The following PTPRE variants were observed in gnomAD, a reference collection of about 807,000 sequenced individuals.
PTPRE encodes the protein protein tyrosine phosphatase receptor type E, also known as receptor-type tyrosine-protein phosphatase epsilon.
A neutral mutation model predicts 102.0 loss-of-function variants in PTPRE; 51 were observed. The ratio of observed to expected loss-of-function variants is 0.50; its 90% CI spans 0.40 to 0.63. The LOEUF (loss-of-function observed/expected upper bound fraction) is 0.63, where lower values mean the gene tolerates loss of function less well. Ranked by LOEUF, PTPRE falls within the 30% of genes least tolerant of loss-of-function variation. The pLI, the probability that PTPRE is intolerant of heterozygous loss-of-function variation, is 0.00. For synonymous variants in PTPRE, 345 were observed against 348.2 expected (o/e 0.99, Z 0.10); for missense variants, 752 against 915.1 (o/e 0.82, Z 2.30).
chr10:128,013,485 G>T (rs1042084210), intron 2 of PTPRE, among the ~76,000 whole-genome samples: 7 of 152,190 alleles, frequency 4.6e-5, no homozygotes, highest in African/African-American at 1.7e-4. Flanking sequence ...CACCTGCTGA[G>T]AAAAGCAATC....
At chr10:128,079,405 T>A (rs1851509277) in intron 19 of PTPRE, among the ~76,000 whole-genome samples, 155 bp from the exon 20 acceptor site, 1 of 152,210 alleles carries the variant, frequency 6.6e-6, no homozygotes, top group Non-Finnish European at 1.5e-5. Flanking sequence ...GAAGTTACAC[T>A]ACATACAAAT....
chr10:127,952,919 T>C (rs1356365525), intron 1 of PTPRE, among the ~76,000 whole-genome samples: 1 of 152,164 alleles, frequency 6.6e-6, no homozygotes, highest in African/African-American at 2.4e-5. Context: ...GGGAAATAAA[T>C]TGAGCAAAAT....
intron 2 of PTPRE, chr10:127,999,039 C>T (rs1210130552): frequency 1.3e-5 from 2 of 151,986 alleles, no homozygotes; most frequent in Non-Finnish European, 2.9e-5. Context: ...CAGCATCGTG[C>T]CTGAAATAGC....
At chr10:127,989,027 T>G (rs1470809941) in intron 2 of PTPRE, among the ~76,000 whole-genome samples, 2 of 152,220 alleles carry the variant, frequency 1.3e-5, no homozygotes, top group Non-Finnish European at 2.9e-5. Flanking sequence ...TATTTTATGA[T>G]GAGGGCTGTT....
At chr10:127,987,504 G>T in intron 2 of PTPRE, 1 of 443,524 alleles carries the variant, frequency 2.3e-6, no homozygotes, top group Non-Finnish European at 3.6e-6. Context: ...ATATTACCAG[G>T]AAGGCGTCGT....
intron 3 of PTPRE, among the ~76,000 whole-genome samples, chr10:128,044,667 T>G (rs1241570855): frequency 1.3e-5 from 2 of 152,176 alleles, no homozygotes; most frequent in African/African-American, 4.8e-5. Context: ...GAAGGCTGCT[T>G]CAGGATGACC....
intron 1 of PTPRE, among the ~76,000 whole-genome samples, chr10:127,960,072 G>A (rs891478012): frequency 4.6e-5 from 7 of 152,160 alleles, no homozygotes; most frequent in African/African-American, 1.7e-4. Context: ...TAAAAGACCT[G>A]GGAAAACAAG....
At chr10:128,016,219 C>A (rs1384825431) in intron 2 of PTPRE, among the ~76,000 whole-genome samples, 1 of 152,220 alleles carries the variant, frequency 6.6e-6, no homozygotes, top group Non-Finnish European at 1.5e-5. Context: ...ATGCACTTAA[C>A]TCTATGTAAT....
At chr10:128,000,512 C>T (rs936588791) in intron 2 of PTPRE, among the ~76,000 whole-genome samples, 4 of 152,048 alleles carry the variant, frequency 2.6e-5, no homozygotes, top group Non-Finnish European at 5.9e-5. Flanking sequence ...AGTTTAAGAC[C>T]ATATCCTAGT....
At chr10:128,044,124 A>G (rs1847917047) in intron 3 of PTPRE, among the ~76,000 whole-genome samples, 1 of 152,238 alleles carries the variant, frequency 6.6e-6, no homozygotes, top group Non-Finnish European at 1.5e-5. Flanking sequence ...GTCAGGAAAG[A>G]TACGCTTTGA....
chr10:128,000,709 T>C (rs1168443313), intron 2 of PTPRE, among the ~76,000 whole-genome samples: 1 of 152,246 alleles, frequency 6.6e-6, no homozygotes, highest in Non-Finnish European at 1.5e-5. Context: ...TATGTGGTAC[T>C]TCGTTTAAAT....
chr10:127,992,005 G>GCCCA (rs1852714207), intron 2 of PTPRE, among the ~76,000 whole-genome samples: 1 of 152,152 alleles, frequency 6.6e-6, no homozygotes, highest in African/African-American at 2.4e-5. Context: ...TGACCAGTGA[G>GCCCA]CCCACCGGGT....
intron 2 of PTPRE, among the ~76,000 whole-genome samples, chr10:127,994,896 C>T (rs929663296): frequency 9.2e-5 from 14 of 152,176 alleles, no homozygotes; most frequent in Non-Finnish European, 2.1e-4. Context: ...AGCCCCCATC[C>T]CTAGGATTCC....
intron 11 of PTPRE, 92 bp from the exon 12 acceptor site, chr10:128,068,031 G>C (rs953827815): frequency 6.9e-7 from 1 of 1,442,528 alleles, no homozygotes; most frequent in African/African-American, 1.4e-5. Flanking sequence ...CCCCAGCACA[G>C]GGGAGCCCAC....
chr10:128,061,721 C>T lies in PTPRE; in HGVS notation c.625+6C>T. On this transcript the variant is annotated splice_donor_region_variant and intron_variant, in intron 9 of 20. Transcript: ENST00000254667. ...TAAATTCATAGCAGCTCAAGGTAAGCTTTTTATTAATTTCTCAACGTATTT... is the reference window on the plus strand; with the variant it reads ...TAAATTCATAGCAGCTCAAGGTAAGTTTTTTATTAATTTCTCAACGTATTT... 1 of 1,581,044 alleles carries T rather than the reference C, an allele frequency of 6.3e-7. No individual in the cohort carries two copies. Among genetic ancestry groups the T allele is most frequent in the South Asian group, 1.2e-5 (1 of 86,916 alleles).
rs568705558 is a variant in PTPRE, at chr10:127,912,730, G to T, written c.-31+5421G>T. On this transcript the variant is annotated intron_variant, in intron 1 of 20. Coordinates refer to ENST00000254667, the MANE Select transcript of PTPRE (RefSeq NM_006504.6). ...GCATTTGGTGTGAGCGCCCTGGGCA[G>T]GTACATGACTCTGTCGTCAGCTCCC... Among the ~76,000 whole-genome samples, 16 of 152,364 alleles carry T rather than the reference G, an allele frequency of 1.1e-4. No homozygotes were observed. The South Asian group carries it at 3.3e-3, about 32-fold the overall frequency.
intron 1 of PTPRE, among the ~76,000 whole-genome samples, chr10:127,913,104 C>T (rs946012485): frequency 1.3e-5 from 2 of 152,146 alleles, no homozygotes; most frequent in African/African-American, 2.4e-5. Context: ...CAAGTCTTTA[C>T]GGTGGGGAGC....
chr10:128,047,731 G>T, intron 4 of PTPRE, 33 bp from the exon 5 acceptor site: 1 of 1,613,674 alleles, frequency 6.2e-7, no homozygotes, highest in Non-Finnish European at 8.5e-7. Context: ...GAACCTAGAA[G>T]TGTGGAAACC....
chr10:127,926,999 A>G (rs768330752), intron 1 of PTPRE, among the ~76,000 whole-genome samples: 4 of 151,564 alleles, frequency 2.6e-5, no homozygotes, highest in African/African-American at 4.9e-5. Flanking sequence ...TTTAGTAGAG[A>G]TGGGGTTTCA....
Sources: allele counts gnomAD v4.1 joint callset (sites outside exome capture counted in the v4.1 genomes callset), GRCh38; gene constraint gnomAD v4.1.1; transcripts MANE v1.5; gene names NCBI Gene and HGNC (gene_info 2026-07-23, HGNC 2026-07-21).